Variants in ABCC12 observed in about 807,000 individuals in gnomAD.
The protein encoded by ABCC12 is ATP binding cassette subfamily C member 12.
A neutral mutation model predicts 151.1 loss-of-function variants in ABCC12; 142 were observed. The observed-to-expected ratio is 0.94, with a 90% confidence interval of 0.82 to 1.08. The LOEUF (loss-of-function observed/expected upper bound fraction) is 1.08, where lower values mean the gene tolerates loss of function less well. Ranked by LOEUF, ABCC12 falls within the 50% of genes least tolerant of loss-of-function variation. The probability of loss-of-function intolerance (pLI) is 0.00; values close to 1 mark genes in which losing one functional copy is unlikely to be tolerated. For synonymous variants in ABCC12, 645 were observed against 646.4 expected (o/e 1.00, Z 0.03); for missense variants, 1,638 against 1,691.1 (o/e 0.97, Z 0.55).
chr16:48,130,985 A>G (rs1964406404), intron 9 of ABCC12, 90 bp from the exon 10 acceptor site: 1 of 842,978 alleles, frequency 1.2e-6, no homozygotes, highest in Non-Finnish European at 1.9e-6. Context: ...ACTTGCTGAG[A>G]TGAGAAATGG....
At position 48,121,976 on chromosome 16, in the gene ABCC12, T is replaced by C. The variant is rs1964085751; in HGVS notation, c.1588-136A>G. On this transcript the variant is annotated intron_variant, in intron 12 of 30. Transcript: ENST00000311303. ...ACAAAAGCGTTGACAGGACATCTTG[T>C]CCATGCACCAGAAAGCCCAACCATG... The C allele has an allele frequency of 1.3e-5, 17 of 1,307,724 alleles. No individual in the cohort carries two copies. In the East Asian group the frequency reaches 3.6e-4, roughly 28 times the overall value. The allele number at this position is 1,307,724 out of a possible 1,614,324, so 81.0% of individuals were successfully genotyped here. A position where few individuals can be genotyped will look rare whatever the true frequency, so the allele number is the denominator to read the frequency against.
At chr16:48,111,709 C>G in intron 16 of ABCC12, 47 bp from the exon 17 acceptor site, 1 of 1,614,078 alleles carries the variant, frequency 6.2e-7, no homozygotes, top group African/African-American at 1.3e-5. Context: ...GACAGGACCT[C>G]TCCCAGGCAC....
chr16:48,083,589 T>A lies in ABCC12; in HGVS notation c.*126A>T. On this transcript the variant is annotated 3_prime_UTR_variant, in exon 31 of 31. Coordinates refer to ENST00000311303, the MANE Select transcript of ABCC12 (RefSeq NM_001393797.1). ...CAGTGGGGACAACTTCAGCCCCAGC[T>A]CACTCCGTGGATGGGAGGGGCTGAA... 1 of 952,766 alleles carries A rather than the reference T, an allele frequency of 1.0e-6. No homozygotes were observed. 59.0% of individuals were successfully genotyped at this position (952,766 alleles called of 1,614,324 possible).
At chr16:48,131,089 A>G (rs1964411603) in intron 9 of ABCC12, among the ~76,000 whole-genome samples, 194 bp from the exon 10 acceptor site, 1 of 152,096 alleles carries the variant, frequency 6.6e-6, no homozygotes, top group African/African-American at 2.4e-5. Flanking sequence ...TCTTAAATCT[A>G]TTTTGCTTTG....
intron 21 of ABCC12, 120 bp from the exon 22 acceptor site, chr16:48,104,488 T>A: frequency 1.2e-6 from 1 of 821,676 alleles, no homozygotes. Context: ...CACAACACAG[T>A]GTGTCAGGTG....
At chr16:48,109,639 G>T (rs1464704517) in intron 18 of ABCC12, among the ~76,000 whole-genome samples, 2 of 152,240 alleles carry the variant, frequency 1.3e-5, no homozygotes, top group Non-Finnish European at 2.9e-5. Context: ...CGCTGCCTGG[G>T]AACCTGGAGC....
intron 27 of ABCC12, 151 bp downstream of exon 27, chr16:48,087,775 G>T: frequency 1.3e-6 from 1 of 766,398 alleles, no homozygotes; most frequent in Non-Finnish European, 2.1e-6. Context: ...CAGAAACAGG[G>T]ACCAGCAGTG....
Position 48,121,841 on chromosome 16 carries a change from C to G in ABCC12, c.1588-1G>C. On this transcript the variant is annotated splice_acceptor_variant, in intron 12 of 30. Coordinates refer to ENST00000311303, the MANE Select transcript of ABCC12 (RefSeq NM_001393797.1). LOFTEE classifies it high-confidence loss of function. Reference sequence around the variant, plus strand: ...CCACCACCCCTTTCTGCAGCTGCATCTGGAACAACAAGACGGGAGAAGCTT... The same window carrying G: ...CCACCACCCCTTTCTGCAGCTGCATGTGGAACAACAAGACGGGAGAAGCTT... 6.2e-7 allele frequency: 1 copy of G among 1,614,144 alleles called. No homozygotes were observed. Among genetic ancestry groups the G allele is most frequent in the Non-Finnish European group, 8.5e-7 (1 of 1,180,014 alleles).
At chr16:48,092,580 C>G (rs927719341) in intron 24 of ABCC12, among the ~76,000 whole-genome samples, 2 of 152,102 alleles carry the variant, frequency 1.3e-5, no homozygotes, top group African/African-American at 2.4e-5. Context: ...CATGCATTAG[C>G]GAACTTCATT....
chr16:48,097,106 A>G (rs1014496592), intron 23 of ABCC12, among the ~76,000 whole-genome samples: 14 of 152,222 alleles, frequency 9.2e-5, no homozygotes, highest in African/African-American at 3.4e-4. Context: ...GCCACTCTAG[A>G]CATCTTTGAT....
intron 13 of ABCC12, among the ~76,000 whole-genome samples, chr16:48,117,949 T>C (rs1486089620): frequency 6.6e-6 from 1 of 152,154 alleles, no homozygotes; most frequent in East Asian, 1.9e-4. Flanking sequence ...GGGGGCGGAA[T>C]GGGAGAGAGA....
At chr16:48,106,421 C>T (rs117315971) in intron 20 of ABCC12, among the ~76,000 whole-genome samples, 2,156 of 152,314 alleles carry the variant, frequency 0.014, 23 homozygotes, top group Non-Finnish European at 0.024. Context: ...ACCATGGCTG[C>T]ATGCTTAATC....
chr16:48,146,297 C>T lies in ABCC12; in HGVS notation c.119+9G>A. 1 of 1,613,862 alleles carries T rather than the reference C, an allele frequency of 6.2e-7. No individual in the cohort carries two copies. The highest frequency in any genetic ancestry group is 8.5e-7 in the Non-Finnish European group (1 of 1,179,754). Reference sequence around the variant, plus strand: ...CCTGGCCCTCCCTTCTGTCCTTCTTCTGACTTACCTTGCACAGGGTCGCAC... The same window carrying T: ...CCTGGCCCTCCCTTCTGTCCTTCTTTTGACTTACCTTGCACAGGGTCGCAC... On this transcript the variant is annotated intron_variant, in intron 3 of 30. Coordinates refer to ENST00000311303, the MANE Select transcript of ABCC12 (RefSeq NM_001393797.1).
In ABCC12 at chr16:48,096,831, G is replaced by A; in HGVS notation, c.3110C>T (p.Thr1037Ile). 6.2e-7 allele frequency: 1 copy of A among 1,614,136 alleles called. No individual in the cohort carries two copies. Among genetic ancestry groups the A allele is most frequent in the South Asian group, 1.1e-5 (1 of 91,074 alleles). Residue 1037 changes from threonine (T) to isoleucine (I), a missense_variant, in exon 24 of 31, where the codon ACC becomes ATC. Transcript: ENST00000311303. ...GGTCACCAACAAGGCCACAGTGAAG[G>A]TAAGGATGTTCATGAGGACATCCAT... is the stretch of plus-strand genomic sequence containing the variant. Reference protein sequence around the residue: ...LRMDVLMNILTFTVALLVTLS... With the variant: ...LRMDVLMNILIFTVALLVTLS...
rs376985850 is a variant in ABCC12 at position 48,128,493 on chromosome 16, G to A, written c.1481C>T (p.Ser494Leu). 29 of 1,614,204 alleles carry A rather than the reference G, an allele frequency of 1.8e-5. No individual in the cohort carries two copies. The highest frequency in any genetic ancestry group is 2.5e-5 in the Non-Finnish European group (29 of 1,180,034). ...GPEEQSDSLK[S>L]VLHSISFVVR... ...CACAAAGCTTATGCTGTGCAGAACC[G>A]ATTTGAGGCTGTCACTTTGCTCCTC... The change falls in exon 11 of 31, where the codon TCG (serine) becomes TTG (leucine). Residue 494 changes from serine (S) to leucine (L), a missense_variant. Coordinates refer to ENST00000311303, the MANE Select transcript of ABCC12 (RefSeq NM_001393797.1).
At chr16:48,136,140 A>G (rs1374421833) in intron 8 of ABCC12, among the ~76,000 whole-genome samples, 2 of 152,168 alleles carry the variant, frequency 1.3e-5, no homozygotes, top group Admixed American at 6.5e-5. Context: ...CTTTTCAGTG[A>G]TCAGGGCAGA....
At chr16:48,112,904 T>A (rs921811808) in intron 15 of ABCC12, among the ~76,000 whole-genome samples, 3 of 152,168 alleles carry the variant, frequency 2.0e-5, no homozygotes, top group Non-Finnish European at 4.4e-5. Context: ...CTGTTTTTTT[T>A]AATTTGAATT....
In ABCC12 at chr16:48,083,920, CCATAACCAGGA is replaced by C; in HGVS notation, c.3971_3981del (p.Val1324GlyfsTer7). ...AGAGCTTCCTATACCTTCCCATTTTCCATAACCAGGACGTGATCGCAGTTGAGAACTGTGTT... is the reference window on the plus strand; with the variant it reads ...AGAGCTTCCTATACCTTCCCATTTTCCGTGATCGCAGTTGAGAACTGTGTT... On this transcript the variant is annotated frameshift_variant, in exon 30 of 31. Coordinates refer to ENST00000311303, the MANE Select transcript of ABCC12 (RefSeq NM_001393797.1). LOFTEE classifies it high-confidence loss of function. 3 of 1,612,198 alleles carry C rather than the reference CCATAACCAGGA, an allele frequency of 1.9e-6. No individual in the cohort carries two copies. The highest frequency in any genetic ancestry group is 2.5e-6 in the Non-Finnish European group (3 of 1,179,526).
In ABCC12 at chr16:48,128,673, A is replaced by G; in HGVS notation, c.1301T>C (p.Leu434Ser). 1 of 1,614,210 alleles carries G rather than the reference A, an allele frequency of 6.2e-7. No individual in the cohort carries two copies. The highest frequency in any genetic ancestry group is 8.5e-7 in the Non-Finnish European group (1 of 1,180,038). The stretch of plus-strand genomic sequence containing the variant: ...TGTCAAGGTGGCATTTGCTAAAAGC[A>G]AGACAGTATCTGGGTCTTCTGGTTG... ...ITQPEDPDTV[L>S]LLANATLTWE... Residue 434 changes from leucine (L) to serine (S), a missense_variant, in exon 11 of 31, where the codon TTG (leucine) becomes TCG (serine). Physicochemically the swap from Leu to Ser is moderately radical, Grantham distance 145 (BLOSUM62 -2). Coordinates refer to ENST00000311303, the MANE Select transcript of ABCC12 (RefSeq NM_001393797.1).
Sources: allele counts gnomAD v4.1 joint callset (sites outside exome capture counted in the v4.1 genomes callset), GRCh38; gene constraint gnomAD v4.1.1; transcripts MANE v1.5; gene names NCBI Gene and HGNC (gene_info 2026-07-23, HGNC 2026-07-21).